ABCB4: variants seen among roughly 807,000 people sequenced by gnomAD.
The protein encoded by ABCB4 is ATP binding cassette subfamily B member 4, also known as phosphatidylcholine translocator ABCB4.
Under a neutral mutation model 145.7 loss-of-function variants are expected in ABCB4, and 76 were observed. The ratio of observed to expected loss-of-function variants is 0.52; its 90% CI spans 0.43 to 0.63. The LOEUF (loss-of-function observed/expected upper bound fraction) is 0.63, where lower values mean the gene tolerates loss of function less well. ABCB4 is among the 30% of genes least tolerant of loss of function. The pLI is 0.00. For missense variants in ABCB4, 1,234 were observed against 1,553.1 expected, an observed-to-expected ratio of 0.79 and a Z score of 3.45; for synonymous variants, 517 against 566.8, an observed-to-expected ratio of 0.91 and a Z score of 1.25.
chr7:87,381,977 A>T, the ABCB4 span: 2 of 1,604,866 alleles, frequency 1.2e-6, no homozygotes, highest in African/African-American at 1.3e-5. Flanking sequence ...ATTTTTCAGA[A>T]TGAAGGAAGA....
intron 10 of ABCB4, among the ~76,000 whole-genome samples, chr7:87,444,604 G>T (rs1811217327): frequency 6.6e-6 from 1 of 152,094 alleles, no homozygotes; most frequent in Admixed American, 6.5e-5. Context: ...AAACGTCTTT[G>T]CTCTGCACTA....
At chr7:87,412,540 C>A (rs11761050) in intron 22 of ABCB4, among the ~76,000 whole-genome samples, 19,681 of 152,128 alleles carry the variant, frequency 0.13, 1,781 homozygotes, top group African/African-American at 0.26. Flanking sequence ...CAAGCTAGAT[C>A]CTGCCAGCCG....
intron 14 of ABCB4, among the ~76,000 whole-genome samples, chr7:87,438,925 T>A (rs1342553878): frequency 6.6e-6 from 1 of 152,194 alleles, no homozygotes; most frequent in Non-Finnish European, 1.5e-5. Flanking sequence ...CAGATAGAAT[T>A]CCTTAAGGAA....
intron 15 of ABCB4, 57 bp from the exon 16 acceptor site, chr7:87,426,977 G>T (rs1809876734): frequency 1.3e-6 from 2 of 1,502,308 alleles, no homozygotes; most frequent in Non-Finnish European, 1.8e-6. Context: ...GTGTGTGTGT[G>T]TGTCTCCAAA....
intron 18 of ABCB4, 105 bp from the exon 19 acceptor site, chr7:87,420,180 A>T (rs1320022276): frequency 9.6e-7 from 1 of 1,045,166 alleles, no homozygotes; most frequent in East Asian, 2.4e-5. Context: ...GTTGTTTTAC[A>T]GTTGCCACGG....
At chr7:87,389,598 A>G in the ABCB4 span, among the ~76,000 whole-genome samples, 2 of 151,910 alleles carry the variant, frequency 1.3e-5, no homozygotes, top group African/African-American at 2.4e-5. Flanking sequence ...ACAGGAAGGG[A>G]ACATCACACA....
At position 87,444,368 on chromosome 7, in the gene ABCB4, C is replaced by T. The variant is rs191041673; in HGVS notation, c.1119+494G>A. Among the ~76,000 whole-genome samples the T allele has an allele frequency of 1.6e-3, 244 of 152,204 alleles. 1 individual carries two copies. Among genetic ancestry groups the T allele is most frequent in the Middle Eastern group, 3.4e-3 (1 of 294 alleles). On this transcript the variant is annotated intron_variant, in intron 10 of 27. Coordinates refer to ENST00000649586, the MANE Select transcript of ABCB4 (RefSeq NM_000443.4). ...TTGAATGCAGTGACTTACTTTTTTA[C>T]GTCAAAACTTTTTCTTTTTCACTGT...
chr7:87,451,731 G>A lies in ABCB4; in HGVS notation c.600C>T (p.Ala200=). 6.2e-7 allele frequency: 1 copy of A among 1,614,078 alleles called. No individual in the cohort carries two copies. Among genetic ancestry groups the A allele is most frequent in the Non-Finnish European group, 8.5e-7 (1 of 1,180,006 alleles). ...DKVGMFFQAV[A]TFFAGFIVGF... is the part of the protein sequence containing the mutation. ...CCACTATGAATCCTGCAAAAAACGTGGCTACTGCTTGAAAGAACATTCCAA... is the reference window on the plus strand; with the variant it reads ...CCACTATGAATCCTGCAAAAAACGTAGCTACTGCTTGAAAGAACATTCCAA... Residue 200 remains alanine, a synonymous_variant, in exon 7 of 28, where the codon GCC becomes GCT. Transcript: ENST00000649586.
At chr7:87,406,562 A>G (rs1562949375) in intron 25 of ABCB4, 68 bp from the exon 26 acceptor site, 15 of 1,552,988 alleles carry the variant, frequency 9.7e-6, no homozygotes, top group South Asian at 2.3e-5. Flanking sequence ...AAGTTACTAG[A>G]TTGTCCATTT....
chr7:87,379,425 G>C, the ABCB4 span, among the ~76,000 whole-genome samples: 1 of 152,106 alleles, frequency 6.6e-6, no homozygotes, highest in Non-Finnish European at 1.5e-5. Context: ...TGTTATATAA[G>C]AGTAAGTCAA....
chr7:87,440,187 C>T lies in ABCB4; in HGVS notation c.1560+12G>A. 6.2e-7 allele frequency: 1 copy of T among 1,612,526 alleles called. No homozygotes were observed. Reference sequence around the variant, plus strand: ...CTAATTTCAAGGACAACTACTTTATCAGAGGCTTTACCTGTGGTAATTTCA... The same window carrying T: ...CTAATTTCAAGGACAACTACTTTATTAGAGGCTTTACCTGTGGTAATTTCA... On this transcript the variant is annotated intron_variant, in intron 13 of 27. Coordinates refer to ENST00000649586, the MANE Select transcript of ABCB4 (RefSeq NM_000443.4).
intron 12 of ABCB4, among the ~76,000 whole-genome samples, chr7:87,442,638 A>T (rs1377591923): frequency 6.6e-6 from 1 of 152,130 alleles, no homozygotes; most frequent in Admixed American, 6.6e-5. Context: ...ACACACACAC[A>T]CACATAAACA....
chr7:87,465,075 A>G (rs1479474930), intron 3 of ABCB4, among the ~76,000 whole-genome samples: 1 of 152,206 alleles, frequency 6.6e-6, no homozygotes, highest in African/African-American at 2.4e-5. Flanking sequence ...AGCAGGGGGA[A>G]GCATCCCCTC....
At position 87,406,390 on chromosome 7, in the gene ABCB4, C is replaced by G; in HGVS notation, c.3384G>C (p.Glu1128Asp). Residue 1128 changes from glutamate to aspartate, a missense_variant, in exon 26 of 28, where the codon GAG (glutamate) becomes GAC (aspartate). Glu to Asp is a conservative substitution (Grantham distance 45). This residue lies in a region of ABCB4 where 301 missense variants were observed against 389.0 expected (regional missense o/e 0.77). Coordinates refer to ENST00000649586, the MANE Select transcript of ABCB4 (RefSeq NM_000443.4). ...EPILFDCSIAENIAYGDNSRV... is the reference protein window; with the variant it reads ...EPILFDCSIADNIAYGDNSRV... ...GGCTGTTGTCTCCATAGGCAATATT[C>G]TCGGCAATGCTGCAGTCAAATAGGA... The G allele has an allele frequency of 1.9e-6, 3 of 1,614,074 alleles. No individual in the cohort carries two copies.
chr7:87,433,675 G>GT (rs1000391993), intron 14 of ABCB4, among the ~76,000 whole-genome samples: 2,547 of 100,324 alleles, frequency 0.025, 40 homozygotes, highest in Non-Finnish European at 0.027. Context: ...AATTGTTGTT[G>GT]TTTTTTTTTT....
At chr7:87,432,433 G>C (rs1171508717) in intron 14 of ABCB4, among the ~76,000 whole-genome samples, 4 of 152,154 alleles carry the variant, frequency 2.6e-5, no homozygotes, top group Non-Finnish European at 5.9e-5. Context: ...AATTAAAAAT[G>C]AGAGGCTAGA....
intron 3 of ABCB4, among the ~76,000 whole-genome samples, chr7:87,468,796 T>TG (rs1486105103): frequency 6.6e-6 from 1 of 151,862 alleles, no homozygotes; most frequent in African/African-American, 2.4e-5. Flanking sequence ...CCAGGCGTGG[T>TG]GGTGGGGACC....
the ABCB4 span, chr7:87,382,066 A>G: frequency 1.3e-5 from 21 of 1,599,432 alleles, no homozygotes; most frequent in Non-Finnish European, 1.7e-5. Context: ...AGTCTTCCCT[A>G]TTTTCAGGGT....
chr7:87,395,869 C>T, the ABCB4 span, among the ~76,000 whole-genome samples: 5 of 152,054 alleles, frequency 3.3e-5, no homozygotes, highest in Non-Finnish European at 7.4e-5. Context: ...ATGCAGGACT[C>T]AATAGAAAGG....
Sources: gnomAD v4.1 joint callset for allele counts (sites outside exome capture counted in the v4.1 genomes callset) on GRCh38, gnomAD v4.1.1 for gene constraint, gnomAD v4.1.1 regional missense constraint, MANE v1.5 for transcripts, NCBI Gene and HGNC (gene_info 2026-07-23, HGNC 2026-07-21) for gene names.